The following GPHN variants were observed in gnomAD, a reference collection of about 807,000 sequenced individuals.
GPHN encodes the protein gephyrin.
A neutral mutation model predicts 95.5 loss-of-function variants in GPHN; 17 were observed. The ratio of observed to expected loss-of-function variants is 0.18; its 90% CI spans 0.12 to 0.27. The LOEUF (loss-of-function observed/expected upper bound fraction) is 0.27, where lower values mean the gene tolerates loss of function less well. Among genes scored for constraint, GPHN ranks in the 10% least tolerant of loss-of-function variants. GPHN has a pLI of 1.00. For missense variants in GPHN, 660 were observed against 978.1 expected (o/e 0.67, Z 4.34); for synonymous variants, 320 against 322.5 (o/e 0.99, Z 0.08).
the GPHN span, among the ~76,000 whole-genome samples, chr14:67,558,288 C>T: frequency 6.6e-6 from 1 of 152,204 alleles, no homozygotes; most frequent in African/African-American, 2.4e-5. Context: ...TAATTTCCTA[C>T]ACATGCCTTC....
At chr14:67,617,798 G>A in the GPHN span, among the ~76,000 whole-genome samples, 3 of 152,120 alleles carry the variant, frequency 2.0e-5, no homozygotes, top group African/African-American at 7.2e-5. Context: ...TTGGCTCACC[G>A]CAATCTCCGC....
intron 9 of GPHN, among the ~76,000 whole-genome samples, chr14:66,978,803 A>T (rs1430260995): frequency 6.6e-6 from 1 of 152,238 alleles, no homozygotes; most frequent in Non-Finnish European, 1.5e-5. Context: ...CAGATCAATT[A>T]TAGGAATTAC....
chr14:67,323,232 C>CATGTGTGTATGTGT, the GPHN span, among the ~76,000 whole-genome samples: 57 of 143,622 alleles, frequency 4.0e-4, no homozygotes, highest in Non-Finnish European at 3.1e-4. Context: ...CATATATACA[C>CATGTGTGTATGTGT]GTGTGTGTGT....
intron 11 of GPHN, among the ~76,000 whole-genome samples, chr14:67,072,790 C>G (rs2076358705): frequency 8.2e-6 from 1 of 122,622 alleles, no homozygotes; most frequent in Non-Finnish European, 1.5e-5. Context: ...GGTTAACTTC[C>G]TAAAAAAAAA....
the GPHN span, chr14:67,729,079 G>C: frequency 2.8e-6 from 3 of 1,082,834 alleles, no homozygotes; most frequent in Non-Finnish European, 4.2e-6. Flanking sequence ...TGAATCCTGG[G>C]GTTATGTTTC....
intron 2 of GPHN, among the ~76,000 whole-genome samples, chr14:66,695,167 AT>A (rs1396253602): frequency 2.0e-5 from 3 of 152,140 alleles, no homozygotes; most frequent in African/African-American, 7.2e-5. Flanking sequence ...TCTTAAAAAA[AT>A]AAATAAATAA....
chr14:66,902,702 A>G (rs985673543), intron 5 of GPHN, among the ~76,000 whole-genome samples: 11 of 152,044 alleles, frequency 7.2e-5, no homozygotes, highest in African/African-American at 2.7e-4. Flanking sequence ...CATCCTTGGG[A>G]TGAATCCCAC....
intron 9 of GPHN, among the ~76,000 whole-genome samples, chr14:67,007,974 C>G (rs972204380): frequency 6.6e-6 from 1 of 152,040 alleles, no homozygotes; most frequent in Non-Finnish European, 1.5e-5. Flanking sequence ...TCTAACTTTC[C>G]CATTGTAAGT....
At chr14:67,626,589 G>A in the GPHN span, among the ~76,000 whole-genome samples, 2 of 152,008 alleles carry the variant, frequency 1.3e-5, no homozygotes, top group Non-Finnish European at 2.9e-5. Context: ...CTCGGCCTCA[G>A]CCTTCTGAGT....
chr14:67,692,714 A>C, the GPHN span: 2 of 1,214,442 alleles, frequency 1.6e-6, no homozygotes, highest in African/African-American at 3.1e-5. Context: ...TTCACAACAG[A>C]GGTATCTGAT....
At chr14:67,653,427 T>C in the GPHN span, 1 of 1,613,168 alleles carries the variant, frequency 6.2e-7, no homozygotes, top group Non-Finnish European at 8.5e-7. Flanking sequence ...ATGACTTTAA[T>C]AAAACTTACT....
intron 2 of GPHN, among the ~76,000 whole-genome samples, chr14:66,742,253 C>G (rs944666062): frequency 7.9e-5 from 12 of 152,152 alleles, no homozygotes; most frequent in African/African-American, 2.7e-4. Flanking sequence ...CTCACTTTGG[C>G]CTTAACATTC....
the GPHN span, among the ~76,000 whole-genome samples, chr14:67,654,121 AT>A: frequency 1.3e-5 from 2 of 151,920 alleles, no homozygotes; most frequent in South Asian, 2.1e-4. Flanking sequence ...GCTTTTATTT[AT>A]TTGAAACAGG....
chr14:67,251,369 C>CA, the GPHN span, among the ~76,000 whole-genome samples: 7 of 152,004 alleles, frequency 4.6e-5, no homozygotes, highest in East Asian at 5.8e-4. Flanking sequence ...CCTGTCTCTA[C>CA]AAAAAATACG....
the GPHN span, among the ~76,000 whole-genome samples, chr14:67,391,961 C>T: frequency 1.3e-5 from 2 of 152,290 alleles, no homozygotes; most frequent in Non-Finnish European, 2.9e-5. Context: ...GACCCCAGGA[C>T]GCCCCAAGGA....
the GPHN span, among the ~76,000 whole-genome samples, chr14:67,375,615 C>T: frequency 6.6e-6 from 1 of 151,868 alleles, no homozygotes; most frequent in Admixed American, 6.6e-5. Context: ...TAAAAGCCAT[C>T]AGTTACCCAA....
the GPHN span, chr14:67,312,530 C>G: frequency 6.4e-7 from 1 of 1,559,016 alleles, no homozygotes; most frequent in Non-Finnish European, 8.7e-7. Flanking sequence ...CTTTTAGATC[C>G]ATGTAAAAGC....
the GPHN span, among the ~76,000 whole-genome samples, chr14:67,694,519 T>A: frequency 6.6e-6 from 1 of 150,938 alleles, no homozygotes; most frequent in Non-Finnish European, 1.5e-5. Flanking sequence ...CACATATATT[T>A]TTTTTTTTTC....
At chr14:67,391,911 G>C in the GPHN span, among the ~76,000 whole-genome samples, 8 of 152,172 alleles carry the variant, frequency 5.3e-5, no homozygotes, top group Admixed American at 5.2e-4. Flanking sequence ...CTCAGAAAGT[G>C]TATCAAGGAG....
Sources: allele counts gnomAD v4.1 joint callset (sites outside exome capture counted in the v4.1 genomes callset), GRCh38; gene constraint gnomAD v4.1.1; transcripts MANE v1.5; gene names NCBI Gene and HGNC (gene_info 2026-07-23, HGNC 2026-07-21).